The following CALN1 variants were observed in gnomAD, a reference collection of about 807,000 sequenced individuals.
CALN1 encodes the protein calneuron 1, also known as calcium-binding protein 8.
Under a neutral mutation model 30.6 loss-of-function variants are expected in CALN1, and 17 were observed. The observed-to-expected ratio is 0.56, with a 90% CI of 0.38 to 0.83. CALN1 has a LOEUF of 0.83. CALN1 is among the 40% of genes least tolerant of loss of function. CALN1 has a pLI of 0.00. For missense variants in CALN1, 291 were observed against 354.9 expected (o/e 0.82, Z 1.45); for synonymous variants, 156 against 131.4 (o/e 1.19, Z -1.28).
chr7:71,969,827 A>AT (rs35595164), intron 5 of CALN1, among the ~76,000 whole-genome samples: 14,706 of 142,184 alleles, frequency 0.1, 961 homozygotes, highest in African/African-American at 0.2. Context: ...CTGTAGGACC[A>AT]TTTTTTTTTT....
chr7:72,411,555 G>C (rs1326377215), intron 1 of CALN1, among the ~76,000 whole-genome samples: 1 of 152,168 alleles, frequency 6.6e-6, no homozygotes, highest in South Asian at 2.1e-4. Flanking sequence ...AGACGTCAAG[G>C]TAATAAAACT....
At chr7:71,999,994 A>T (rs1799447251) in intron 5 of CALN1, among the ~76,000 whole-genome samples, 1 of 152,214 alleles carries the variant, frequency 6.6e-6, no homozygotes, top group Middle Eastern at 3.2e-3. Context: ...TACCTGGAAA[A>T]TTAATAACAC....
At chr7:72,325,686 G>A (rs536002630) in intron 2 of CALN1, among the ~76,000 whole-genome samples, 4 of 152,236 alleles carry the variant, frequency 2.6e-5, no homozygotes, top group African/African-American at 9.6e-5. Flanking sequence ...TCAGTTAGTT[G>A]CCTAGGTAAA....
chr7:72,192,286 C>CT (rs1790665592), intron 3 of CALN1, among the ~76,000 whole-genome samples: 1 of 152,204 alleles, frequency 6.6e-6, no homozygotes, highest in Admixed American at 6.5e-5. Context: ...ATCTGTGTCC[C>CT]TCTGCTTCCA....
intron 5 of CALN1, among the ~76,000 whole-genome samples, chr7:72,005,518 A>T (rs1799725221): frequency 6.6e-6 from 1 of 151,882 alleles, no homozygotes; most frequent in African/African-American, 2.4e-5. Flanking sequence ...TTAAATAGAG[A>T]TGGGGTTTCT....
At chr7:72,205,205 C>G (rs1211586333) in intron 3 of CALN1, among the ~76,000 whole-genome samples, 4 of 150,518 alleles carry the variant, frequency 2.7e-5, no homozygotes, top group Non-Finnish European at 4.4e-5. Context: ...TTTTGCTTTT[C>G]TTTTGTTTTG....
At chr7:72,245,915 C>A (rs901402036) in intron 3 of CALN1, among the ~76,000 whole-genome samples, 2 of 152,196 alleles carry the variant, frequency 1.3e-5, no homozygotes, top group African/African-American at 4.8e-5. Context: ...GCCACAAGGT[C>A]TCACTGCCCT....
At chr7:72,400,650 A>C (rs569367221) in intron 2 of CALN1, among the ~76,000 whole-genome samples, 2 of 152,134 alleles carry the variant, frequency 1.3e-5, no homozygotes, top group Non-Finnish European at 2.9e-5. Context: ...CAGGTGTATC[A>C]CTTGAGGTCA....
intron 5 of CALN1, among the ~76,000 whole-genome samples, chr7:71,974,672 C>A (rs1006015314): frequency 2.6e-5 from 4 of 152,074 alleles, no homozygotes; most frequent in African/African-American, 9.7e-5. Flanking sequence ...CAGGTATTGG[C>A]AAGTTCTGGG....
At chr7:72,279,333 A>G (rs1041529182) in intron 2 of CALN1, among the ~76,000 whole-genome samples, 1 of 152,192 alleles carries the variant, frequency 6.6e-6, no homozygotes, top group Non-Finnish European at 1.5e-5. Flanking sequence ...GCTCTAAGTA[A>G]GTACATGCAA....
chr7:72,441,763 C>T (rs893252486), intron 1 of CALN1, among the ~76,000 whole-genome samples: 3 of 152,060 alleles, frequency 2.0e-5, no homozygotes, highest in East Asian at 1.9e-4. Context: ...ATCTTTTTAA[C>T]CTGTAAATAG....
intron 5 of CALN1, among the ~76,000 whole-genome samples, chr7:71,896,040 G>T (rs1023108568): frequency 6.6e-6 from 1 of 152,190 alleles, no homozygotes; most frequent in Admixed American, 6.5e-5. Flanking sequence ...GGAGTGGGCT[G>T]CCCTGTATAG....
intron 6 of CALN1, among the ~76,000 whole-genome samples, chr7:71,802,682 T>C (rs1787376821): frequency 1.3e-5 from 2 of 152,168 alleles, no homozygotes; most frequent in Admixed American, 6.5e-5. Context: ...TGCCAGGCTA[T>C]GGTAATTTTT....
the CALN1 span, among the ~76,000 whole-genome samples, chr7:72,477,285 T>G: frequency 6.6e-6 from 1 of 151,418 alleles, no homozygotes; most frequent in African/African-American, 2.4e-5. Flanking sequence ...ATCTGATGAG[T>G]AGAATTGTAT....
At chr7:72,228,309 T>C (rs1454729854) in intron 3 of CALN1, among the ~76,000 whole-genome samples, 1 of 151,696 alleles carries the variant, frequency 6.6e-6, no homozygotes, top group African/African-American at 2.4e-5. Context: ...TGCATGTAAC[T>C]CCACTCCTGA....
chr7:72,011,561 G>A (rs991387478), intron 5 of CALN1, among the ~76,000 whole-genome samples: 3 of 152,184 alleles, frequency 2.0e-5, no homozygotes, highest in African/African-American at 7.2e-5. Context: ...ACCCCAAGAG[G>A]TCCCCATCAG....
At chr7:72,287,763 C>T (rs1025226641) in intron 2 of CALN1, among the ~76,000 whole-genome samples, 1 of 151,978 alleles carries the variant, frequency 6.6e-6, no homozygotes, top group Non-Finnish European at 1.5e-5. Flanking sequence ...TTTTTAACTG[C>T]TCAACAGTTT....
Position 72,403,324 on chromosome 7 carries a change from T to A in CALN1, c.46A>T (p.Lys16Ter), listed in dbSNP as rs921926276. The change falls in exon 2 of 7, where the codon AAA (lysine) becomes TAA (stop). Residue 16 changes from lysine (K) to a stop codon, truncating the protein, a stop_gained. Transcript: ENST00000395275. LOFTEE classifies it high-confidence loss of function. Reference sequence around the variant, plus strand: ...CCGAGGGCTCCTCCGTCCCCCTTTTTCTCATTCTCGGGCTTCCCCTCTCCG... The same window carrying A: ...CCGAGGGCTCCTCCGTCCCCCTTTTACTCATTCTCGGGCTTCCCCTCTCCG... ...QPGEGKPENEKKGDGGALGGG... is the reference protein window; with the variant it reads ...QPGEGKPENE 6.5e-7 allele frequency: 1 copy of A among 1,549,766 alleles called. No homozygotes were observed. Among genetic ancestry groups the A allele is most frequent in the Non-Finnish European group, 8.7e-7 (1 of 1,146,936 alleles).
At chr7:72,398,574 A>G (rs1197081682) in intron 2 of CALN1, among the ~76,000 whole-genome samples, 1 of 152,214 alleles carries the variant, frequency 6.6e-6, no homozygotes, top group Non-Finnish European at 1.5e-5. Context: ...CATTTGTTGA[A>G]GCTACCTGGG....
Sources: allele counts gnomAD v4.1 joint callset (sites outside exome capture counted in the v4.1 genomes callset), GRCh38; gene constraint gnomAD v4.1.1; transcripts MANE v1.5; gene names NCBI Gene and HGNC (gene_info 2026-07-23, HGNC 2026-07-21).